Variants in PCLO observed in about 807,000 individuals in gnomAD.
The protein encoded by PCLO is piccolo presynaptic cytomatrix protein.
PCLO carries 82 observed loss-of-function variants against 427.5 expected under a neutral mutation model. That is an observed-to-expected ratio of 0.19 (90% confidence interval 0.16 to 0.23). The LOEUF (loss-of-function observed/expected upper bound fraction) is 0.23. Among genes scored for constraint, PCLO ranks in the 10% least tolerant of loss-of-function variants. The pLI is 1.00. For missense variants in PCLO, 6,239 were observed against 6,115.9 expected, an observed-to-expected ratio of 1.02 and a Z score of -0.67; for synonymous variants, 2,357 against 2,155.4, an observed-to-expected ratio of 1.09 and a Z score of -2.59.
intron 3 of PCLO, among the ~76,000 whole-genome samples, chr7:82,984,707 T>C (rs1796221397): frequency 6.6e-6 from 1 of 152,004 alleles, no homozygotes; most frequent in South Asian, 2.1e-4. Flanking sequence ...TAGGCCTATT[T>C]TTCTCTTAAT....
chr7:83,078,432 A>T lies in PCLO; in HGVS notation c.3300+55818T>A, dbSNP rs144413526. Among the ~76,000 whole-genome samples the T allele has an allele frequency of 1.2e-4, 19 of 152,196 alleles. No individual in the cohort carries two copies. In the East Asian group the frequency reaches 3.5e-3, roughly 28 times the overall value. ...TAAAAAGAACTATATTTTATGACAC[A>T]TGGAAGTATACTTTTCCACAGTTTG... On this transcript the variant is annotated intron_variant, in intron 3 of 24. Coordinates refer to ENST00000333891, the MANE Select transcript of PCLO (RefSeq NM_033026.6).
At chr7:83,014,928 G>T (rs149475771) in intron 3 of PCLO, among the ~76,000 whole-genome samples, 84 of 152,160 alleles carry the variant, frequency 5.5e-4, no homozygotes, top group African/African-American at 2.0e-3. Flanking sequence ...TTATAGTAGG[G>T]AACACTTTTT....
intron 2 of PCLO, among the ~76,000 whole-genome samples, chr7:83,152,448 C>A (rs1400540021): frequency 6.6e-6 from 1 of 152,126 alleles, no homozygotes; most frequent in East Asian, 1.9e-4. Context: ...AAATGTGTAT[C>A]ATATTAATTG....
chr7:82,987,223 A>G (rs1266673869), intron 3 of PCLO, among the ~76,000 whole-genome samples: 1 of 152,014 alleles, frequency 6.6e-6, no homozygotes, highest in Non-Finnish European at 1.5e-5. Context: ...GGCATAGATA[A>G]GACATAAAAT....
At chr7:82,768,961 T>A (rs2129467790) in intron 22 of PCLO, among the ~76,000 whole-genome samples, 1 of 152,312 alleles carries the variant, frequency 6.6e-6, no homozygotes, top group East Asian at 1.9e-4. Flanking sequence ...GTATAATTTC[T>A]ATTTTACACA....
chr7:83,037,989 T>TCATATA (rs1788837813), intron 3 of PCLO, among the ~76,000 whole-genome samples: 1 of 13,586 alleles, frequency 7.4e-5, no homozygotes, highest in South Asian at 4.1e-3. Context: ...AAGGAGGAGC[T>TCATATA]TATATATATA....
At chr7:82,934,551 T>G (rs1232688124) in intron 6 of PCLO, among the ~76,000 whole-genome samples, 1 of 151,818 alleles carries the variant, frequency 6.6e-6, no homozygotes, top group Non-Finnish European at 1.5e-5. Flanking sequence ...TATGACTGCT[T>G]GACAAGTATG....
Position 83,088,883 on chromosome 7 carries a change from A to G in PCLO, c.3300+45367T>C, listed in dbSNP as rs1316543018. The stretch of plus-strand genomic sequence containing the variant: ...TAGGCTATTCTCCACACTGCTGACG[A>G]GATAATCTTTTGAAAAATCAAAAGT... On this transcript the variant is annotated intron_variant, in intron 3 of 24. Transcript: ENST00000333891. 4.6e-5 allele frequency among the ~76,000 whole-genome samples: 7 copies of G among 152,292 alleles called. No individual in the cohort carries two copies. In the East Asian group the frequency reaches 1.2e-3, roughly 25 times the overall value.
intron 3 of PCLO, among the ~76,000 whole-genome samples, chr7:83,086,864 T>C (rs1790247564): frequency 1.3e-5 from 2 of 151,910 alleles, no homozygotes; most frequent in South Asian, 4.1e-4. Flanking sequence ...TGCATTTATA[T>C]ATGCCATGGA....
In PCLO at chr7:82,761,487, G is replaced by A. The variant is rs781112976; in HGVS notation, c.15014C>T (p.Thr5005Ile). ...GVGLADTEAK[T>I]QVMGEIKIAL... ...AATCTTGATTTCTCCCATTACCTGA[G>A]TTTTAGCTGGGAGAATTTAATAAAA... Residue 5005 changes from threonine to isoleucine, a missense_variant, in exon 23 of 25, where the codon ACT becomes ATT. This residue lies in a region of PCLO where 877 missense variants were observed against 925.5 expected (regional missense o/e 0.95). Transcript: ENST00000333891. 3.8e-6 allele frequency: 6 copies of A among 1,594,748 alleles called. No homozygotes were observed. Among genetic ancestry groups the A allele is most frequent in the Non-Finnish European group, 5.1e-6 (6 of 1,170,844 alleles).
chr7:82,911,843 G>A (rs908563890), intron 7 of PCLO, among the ~76,000 whole-genome samples: 6 of 151,918 alleles, frequency 3.9e-5, no homozygotes, highest in Non-Finnish European at 5.9e-5. Context: ...GGATGGTCTC[G>A]ATCTCTTGAC....
chr7:83,112,794 A>G (rs2116530094), intron 3 of PCLO, among the ~76,000 whole-genome samples: 1 of 152,356 alleles, frequency 6.6e-6, no homozygotes, highest in South Asian at 2.1e-4. Flanking sequence ...AGCAGTGTTG[A>G]CATCACAAAT....
Position 82,971,408 on chromosome 7 carries a change from ATG to A in PCLO, c.3301-4923_3301-4922del, listed in dbSNP as rs927691405. Among the ~76,000 whole-genome samples the A allele has an allele frequency of 4.0e-5, 6 of 150,796 alleles. 1 individual carries two copies. Among genetic ancestry groups the A allele is most frequent in the African/African-American group, 1.2e-4 (5 of 41,328 alleles). On this transcript the variant is annotated intron_variant, in intron 3 of 24. Coordinates refer to ENST00000333891, the MANE Select transcript of PCLO (RefSeq NM_033026.6). Reference sequence around the variant, plus strand: ...TAAGACAACCAGCAGTTTTATGTGTATGTGTGTGTGTATATATATGTGTGTGT... The same window carrying A: ...TAAGACAACCAGCAGTTTTATGTGTATGTGTGTGTATATATATGTGTGTGT...
At chr7:83,097,970 C>A (rs1790638076) in intron 3 of PCLO, among the ~76,000 whole-genome samples, 1 of 151,890 alleles carries the variant, frequency 6.6e-6, no homozygotes, top group Non-Finnish European at 1.5e-5. Flanking sequence ...TAATGTGACA[C>A]TTGGATTATA....
intron 1 of PCLO, among the ~76,000 whole-genome samples, chr7:83,159,143 G>A (rs1227895338): frequency 6.6e-6 from 1 of 152,078 alleles, no homozygotes; most frequent in Non-Finnish European, 1.5e-5. Context: ...GATTAACAAT[G>A]AGTGAACCAA....
intron 9 of PCLO, among the ~76,000 whole-genome samples, chr7:82,889,065 G>A (rs565348630): frequency 3.1e-4 from 47 of 150,082 alleles, no homozygotes; most frequent in Non-Finnish European, 5.8e-4. Flanking sequence ...GAACTATTCA[G>A]CGGAGCCAAA....
At chr7:83,033,803 G>A (rs1265511009) in intron 3 of PCLO, among the ~76,000 whole-genome samples, 2 of 151,964 alleles carry the variant, frequency 1.3e-5, no homozygotes, top group Non-Finnish European at 2.9e-5. Context: ...AAATTTGGTA[G>A]ACATGTTTCT....
At chr7:82,789,384 T>C (rs2129468359) in intron 22 of PCLO, among the ~76,000 whole-genome samples, 1 of 152,214 alleles carries the variant, frequency 6.6e-6, no homozygotes, top group African/African-American at 2.4e-5. Flanking sequence ...AAACAACAGG[T>C]CAATGTCATT....
At chr7:82,816,374 C>G (rs1326472463) in intron 20 of PCLO, among the ~76,000 whole-genome samples, 1 of 150,834 alleles carries the variant, frequency 6.6e-6, no homozygotes, top group Non-Finnish European at 1.5e-5. Flanking sequence ...GAGAAAGTTG[C>G]CTGCCCCATG....
Sources: allele counts gnomAD v4.1 joint callset (sites outside exome capture counted in the v4.1 genomes callset), GRCh38; gene constraint gnomAD v4.1.1; regional missense constraint gnomAD v4.1.1; transcripts MANE v1.5; gene names NCBI Gene and HGNC (gene_info 2026-07-23, HGNC 2026-07-21).